KAZN: variants seen among roughly 807,000 people sequenced by gnomAD.
KAZN encodes the protein kazrin.
KAZN carries 40 observed loss-of-function variants against 87.4 expected under a neutral mutation model. The observed-to-expected ratio is 0.46, with a 90% CI of 0.36 to 0.60. The LOEUF (loss-of-function observed/expected upper bound fraction) is 0.60, where lower values mean the gene tolerates loss of function less well. Among genes scored for constraint, KAZN ranks in the 20% least tolerant of loss-of-function variants. KAZN has a pLI of 0.00. For missense variants in KAZN, 898 were observed against 1,073.9 expected (o/e 0.84, Z 2.29); for synonymous variants, 466 against 458.3 (o/e 1.02, Z -0.22).
At chr1:15,032,169 T>A (rs1345173649) in intron 2 of KAZN, among the ~76,000 whole-genome samples, 23 of 150,312 alleles carry the variant, frequency 1.5e-4, no homozygotes, top group African/African-American at 5.6e-4. Flanking sequence ...ATTTTCCCAT[T>A]GTGGACATTT....
chr1:14,644,343 T>C (rs1288407356), intron 1 of KAZN, among the ~76,000 whole-genome samples: 1 of 150,886 alleles, frequency 6.6e-6, no homozygotes, highest in African/African-American at 2.4e-5. Context: ...TCTGTTTTTC[T>C]CTTGTAAATT....
intron 1 of KAZN, among the ~76,000 whole-genome samples, chr1:14,026,040 T>C (rs1641055911): frequency 6.6e-6 from 1 of 152,124 alleles, no homozygotes; most frequent in Non-Finnish European, 1.5e-5. Flanking sequence ...AGTACATAAT[T>C]ATGAATGTAA....
At chr1:14,890,997 C>T (rs1654654618) in intron 1 of KAZN, among the ~76,000 whole-genome samples, 1 of 151,782 alleles carries the variant, frequency 6.6e-6, no homozygotes, top group Admixed American at 6.6e-5. Flanking sequence ...GCACCCGTCA[C>T]CACGCCCGGC....
chr1:14,777,413 C>G (rs1645212691), intron 1 of KAZN, among the ~76,000 whole-genome samples: 1 of 152,148 alleles, frequency 6.6e-6, no homozygotes, highest in South Asian at 2.1e-4. Flanking sequence ...CCCCAGTGCC[C>G]TTGCGTATAA....
intron 1 of KAZN, among the ~76,000 whole-genome samples, chr1:14,043,525 C>T (rs1641928401): frequency 6.6e-6 from 1 of 152,032 alleles, no homozygotes; most frequent in Non-Finnish European, 1.5e-5. Context: ...TACTGTTTTC[C>T]ATAGAGGCTA....
rs116571522 is a variant in KAZN, at chr1:14,619,587, T to C, written c.226+20364T>C. Among the ~76,000 whole-genome samples, 837 of 152,298 alleles carry C rather than the reference T, an allele frequency of 5.5e-3. 8 individuals are homozygous for C. Among genetic ancestry groups the C allele is most frequent in the African/African-American group, 0.018 (755 of 41,560 alleles). ...TTTTAAAATGTGCAATTCACTGGCG[T>C]TAAAAGTACTTTCACGATGTTTTGC... On this transcript the variant is annotated intron_variant, in intron 1 of 14. Coordinates refer to ENST00000376030, the MANE Select transcript of KAZN (RefSeq NM_201628.3).
chr1:14,883,341 A>AGAGAGAGAGAAAGAAAGAAAG lies in KAZN; in HGVS notation c.227-77341_227-77340insGAGAGAGAAAGAAAGAAAGGA. On this transcript the variant is annotated intron_variant, in intron 1 of 14. Transcript: ENST00000376030. Reference sequence around the variant, plus strand: ...GAAAGAGAGAGAGAGAGAGAGAGAGAGAAAGAAAGAAAGAAAAGAAAGAAA... The same window carrying AGAGAGAGAGAAAGAAAGAAAG: ...GAAAGAGAGAGAGAGAGAGAGAGAGAGAGAGAGAGAAAGAAAGAAAGGAAAGAAAGAAAGAAAAGAAAGAAA... Among the ~76,000 whole-genome samples, 15 of 29,540 alleles carry AGAGAGAGAGAAAGAAAGAAAG rather than the reference A, an allele frequency of 5.1e-4. 2 individuals are homozygous for AGAGAGAGAGAAAGAAAGAAAG. The highest frequency in any genetic ancestry group is 5.8e-3 in the East Asian group (2 of 342). 19.4% of individuals were successfully genotyped at this position (29,540 alleles called of 152,430 possible). A position where few individuals can be genotyped will look rare whatever the true frequency, so the allele number is the denominator to read the frequency against.
chr1:14,860,108 TTTCC>T (rs1021083678), intron 1 of KAZN, among the ~76,000 whole-genome samples: 4 of 152,030 alleles, frequency 2.6e-5, no homozygotes, highest in African/African-American at 9.6e-5. Context: ...AATAGGCCTT[TTTCC>T]TTCCTTCCTT....
At chr1:14,633,867 ACTCTCT>A (rs113095643) in intron 1 of KAZN, among the ~76,000 whole-genome samples, 1 of 149,866 alleles carries the variant, frequency 6.7e-6, no homozygotes, top group Admixed American at 6.7e-5. Flanking sequence ...TTGCGCGCGC[ACTCTCT>A]CTCTCTCTCT....
Position 15,112,423 on chromosome 1 carries a change from TCAG to T in KAZN, c.2049-2_2049del. The T allele has an allele frequency of 6.3e-7, 1 of 1,579,920 alleles. No individual in the cohort carries two copies. Among genetic ancestry groups the T allele is most frequent in the Non-Finnish European group, 8.6e-7 (1 of 1,161,866 alleles). The stretch of plus-strand genomic sequence containing the variant: ...CTGCTGACTCAAAATGGTCCTCTCT[TCAG>T]CTCCACAGGCATCCGGGAGGCTGAG... On this transcript the variant is annotated splice_acceptor_variant and splice_polypyrimidine_tract_variant and intron_variant, in intron 13 of 14. Coordinates refer to ENST00000376030, the MANE Select transcript of KAZN (RefSeq NM_201628.3). LOFTEE classifies it high-confidence loss of function.
chr1:14,559,200 C>G (rs529417251), intron 2 of KAZN, among the ~76,000 whole-genome samples: 1 of 152,264 alleles, frequency 6.6e-6, no homozygotes, highest in East Asian at 1.9e-4. Flanking sequence ...TAGCAGGATA[C>G]TGCATGTGTA....
chr1:13,983,334 G>C lies in KAZN; in HGVS notation c.91+89578G>C, dbSNP rs192226703. 2.5e-3 allele frequency among the ~76,000 whole-genome samples: 375 copies of C among 152,374 alleles called. 1 individual carries two copies. Among genetic ancestry groups the C allele is most frequent in the African/African-American group, 8.7e-3 (362 of 41,588 alleles). ...CGGGAAGGCAGCTAAGGCCCAGCGA[G>C]AAATCCAGCGCAGTGCCGGTGGGCT... is the stretch of plus-strand genomic sequence containing the variant. On this transcript the variant is annotated intron_variant, in intron 1 of 16. Transcript: ENST00000636203.
chr1:14,945,249 T>C (rs1422209791), intron 1 of KAZN, among the ~76,000 whole-genome samples: 1 of 152,210 alleles, frequency 6.6e-6, no homozygotes, highest in Non-Finnish European at 1.5e-5. Context: ...TTGGGTCTCC[T>C]GTGAGGCAGT....
At chr1:14,410,892 A>G (rs777907555) in intron 2 of KAZN, among the ~76,000 whole-genome samples, 3 of 152,198 alleles carry the variant, frequency 2.0e-5, no homozygotes, top group Non-Finnish European at 2.9e-5. Context: ...CAACATCTTG[A>G]TATTAACCCC....
At chr1:14,102,013 A>G (rs1414052303) in intron 1 of KAZN, among the ~76,000 whole-genome samples, 1 of 152,146 alleles carries the variant, frequency 6.6e-6, no homozygotes, top group Non-Finnish European at 1.5e-5. Context: ...ATTTTTAAAC[A>G]ACTTCAAAGA....
intron 2 of KAZN, among the ~76,000 whole-genome samples, chr1:14,532,107 G>A (rs962895861): frequency 6.6e-6 from 1 of 152,102 alleles, no homozygotes; most frequent in Admixed American, 6.5e-5. Context: ...AAGAAGGAAG[G>A]TGGTGACTGT....
intron 1 of KAZN, among the ~76,000 whole-genome samples, chr1:14,166,451 C>A (rs766044077): frequency 6.6e-6 from 1 of 152,152 alleles, no homozygotes; most frequent in Non-Finnish European, 1.5e-5. Context: ...TGTCTTTGTC[C>A]TCAAGTTTCT....
chr1:14,326,191 C>T (rs1571309056), intron 2 of KAZN, among the ~76,000 whole-genome samples: 2 of 152,052 alleles, frequency 1.3e-5, no homozygotes, highest in South Asian at 4.2e-4. Flanking sequence ...CTCATGTCTG[C>T]CCCCTACCCC....
At chr1:14,855,745 A>G (rs1263150558) in intron 1 of KAZN, among the ~76,000 whole-genome samples, 5 of 152,244 alleles carry the variant, frequency 3.3e-5, no homozygotes, top group African/African-American at 1.2e-4. Flanking sequence ...ACAAGTGGAA[A>G]TACCGAAGCC....
Sources: allele counts gnomAD v4.1 joint callset (sites outside exome capture counted in the v4.1 genomes callset), GRCh38; gene constraint gnomAD v4.1.1; transcripts MANE v1.5; gene names NCBI Gene and HGNC (gene_info 2026-07-23, HGNC 2026-07-21).